The following AGBL1 variants were observed in gnomAD, a reference collection of about 807,000 sequenced individuals.
The protein encoded by AGBL1 is cytosolic carboxypeptidase 4.
Under a neutral mutation model 118.9 loss-of-function variants are expected in AGBL1, and 130 were observed. The observed-to-expected ratio is 1.09, with a 90% confidence interval of 0.95 to 1.26. The LOEUF is 1.26. Among genes scored for constraint, AGBL1 ranks in the 50% most tolerant of loss-of-function variants. The pLI is 0.00. For missense variants in AGBL1, 1,584 were observed against 1,298.1 expected, an observed-to-expected ratio of 1.22 and a Z score of -3.38; for synonymous variants, 555 against 478.9, an observed-to-expected ratio of 1.16 and a Z score of -2.08.
At chr15:86,739,878 G>T (rs2141232838) in intron 22 of AGBL1, among the ~76,000 whole-genome samples, 1 of 152,274 alleles carries the variant, frequency 6.6e-6, no homozygotes, top group African/African-American at 2.4e-5. Context: ...CTCCAGAAGG[G>T]TGGCCTAATG....
chr15:86,765,922 C>T (rs1187781771), intron 22 of AGBL1, among the ~76,000 whole-genome samples: 1 of 151,882 alleles, frequency 6.6e-6, no homozygotes, highest in East Asian at 1.9e-4. Context: ...GAGAGCTGAG[C>T]CTAGTTTAGT....
intron 16 of AGBL1, among the ~76,000 whole-genome samples, chr15:86,294,429 A>C (rs1272173145): frequency 4.3e-5 from 6 of 140,612 alleles, no homozygotes; most frequent in Non-Finnish European, 7.7e-5. Flanking sequence ...AAAAAAAAGG[A>C]TTGTTCACCA....
rs192367386 is a variant in AGBL1, at chr15:86,426,968, G to C, written c.2555+29422G>C. ...TTTAGTAGAGTCAGGGTTTTGCCCT[G>C]TTGACCAGGCTGGTCTTGAACTCCT... On this transcript the variant is annotated intron_variant, in intron 18 of 22. Transcript: ENST00000614907. Among the ~76,000 whole-genome samples, 18 of 152,240 alleles carry C rather than the reference G, an allele frequency of 1.2e-4. No homozygotes were observed. In the East Asian group the frequency reaches 3.1e-3, roughly 26 times the overall value.
rs73451556 is a variant in AGBL1 at position 86,288,453 on chromosome 15, A to C, written c.2221-6802A>C. ...TTAATATTGATTTTTGTAACCTATG[A>C]ATTTTTTTCCAGTAAGCTTCTTTTA... On this transcript the variant is annotated intron_variant, in intron 16 of 22. Coordinates refer to ENST00000614907, the MANE Select transcript of AGBL1 (RefSeq NM_001386094.1). Among the ~76,000 whole-genome samples, 482 of 152,134 alleles carry C rather than the reference A, an allele frequency of 3.2e-3. 1 individual carries two copies. The highest frequency in any genetic ancestry group is 0.011 in the African/African-American group (464 of 41,538).
intron 22 of AGBL1, among the ~76,000 whole-genome samples, chr15:86,754,893 T>G (rs888368448): frequency 6.6e-6 from 1 of 152,108 alleles, no homozygotes; most frequent in Admixed American, 6.6e-5. Context: ...TCCTCTCCCC[T>G]TATCCCTTCT....
intron 19 of AGBL1, among the ~76,000 whole-genome samples, chr15:86,534,157 C>T (rs187391672): frequency 6.9e-4 from 99 of 144,474 alleles, no homozygotes; most frequent in Non-Finnish European, 1.4e-3. Flanking sequence ...CTTTGAGGAA[C>T]CCAGATTTTA....
At chr15:86,166,054 G>A (rs1242465951) in intron 5 of AGBL1, among the ~76,000 whole-genome samples, 1 of 152,134 alleles carries the variant, frequency 6.6e-6, no homozygotes, top group Non-Finnish European at 1.5e-5. Context: ...AAGTTCGAAG[G>A]TCTTAAGGGA....
At chr15:86,144,875 G>A (rs183986095) in intron 3 of AGBL1, among the ~76,000 whole-genome samples, 13 of 152,252 alleles carry the variant, frequency 8.5e-5, no homozygotes, top group Admixed American at 4.6e-4. Flanking sequence ...GCTGCCATAC[G>A]AATTGCCACA....
intron 6 of AGBL1, among the ~76,000 whole-genome samples, chr15:86,234,092 A>G (rs1311431508): frequency 1.3e-5 from 2 of 152,120 alleles, no homozygotes; most frequent in African/African-American, 4.8e-5. Context: ...AGATCCTGTC[A>G]AGACTTAGTT....
Position 86,915,090 on chromosome 15 carries a change from G to A in AGBL1, c.*7796G>A, listed in dbSNP as rs1277837792. 7 of 152,152 alleles carry A rather than the reference G, an allele frequency of 4.6e-5. No homozygotes were observed. The highest frequency in any genetic ancestry group is 1.4e-4 in the African/African-American group (6 of 41,444). 9.4% of individuals were successfully genotyped at this position (152,152 alleles called of 1,614,324 possible). ...GTACTCAGATCTTCACTAAATAGAT[G>A]AATCTGCAATGTTGTTGAGTGTGAA... On this transcript the variant is annotated 3_prime_UTR_variant, in exon 23 of 23. Coordinates refer to ENST00000614907, the MANE Select transcript of AGBL1 (RefSeq NM_001386094.1).
chr15:86,223,234 A>G (rs1033364262), intron 5 of AGBL1, among the ~76,000 whole-genome samples: 2 of 152,130 alleles, frequency 1.3e-5, no homozygotes, highest in Non-Finnish European at 2.9e-5. Flanking sequence ...ACTTCCTAAA[A>G]CAAAAGTGCA....
chr15:86,222,772 G>A (rs1436430693), intron 5 of AGBL1, among the ~76,000 whole-genome samples: 1 of 152,102 alleles, frequency 6.6e-6, no homozygotes, highest in African/African-American at 2.4e-5. Flanking sequence ...TAATGTCACT[G>A]TTTGGATTAA....
intron 1 of AGBL1, among the ~76,000 whole-genome samples, chr15:86,113,291 T>C (rs550494466): frequency 5.1e-4 from 54 of 106,142 alleles, no homozygotes; most frequent in Non-Finnish European, 9.1e-4. Flanking sequence ...TTCTTTCTTT[T>C]TTTTTTTTTT....
intron 22 of AGBL1, among the ~76,000 whole-genome samples, chr15:86,702,581 A>G (rs2086379070): frequency 6.6e-6 from 1 of 152,174 alleles, no homozygotes; most frequent in Non-Finnish European, 1.5e-5. Context: ...AACTACTTTC[A>G]ACAGGGACAC....
At chr15:86,087,275 C>T (rs564342430) in intron 1 of AGBL1, among the ~76,000 whole-genome samples, 2 of 151,010 alleles carry the variant, frequency 1.3e-5, no homozygotes, top group South Asian at 4.2e-4. Context: ...TCTGAAACAG[C>T]TTCTGCAAGT....
At chr15:86,920,338 C>T (rs1433036534), downstream of AGBL1, among the ~76,000 whole-genome samples, 1 of 152,214 alleles carries the variant, frequency 6.6e-6, no homozygotes, top group Non-Finnish European at 1.5e-5. Context: ...ACCACCACCC[C>T]TCCCTGATGC....
chr15:86,901,754 G>A (rs1000638533), intron 22 of AGBL1, among the ~76,000 whole-genome samples: 1 of 151,588 alleles, frequency 6.6e-6, no homozygotes, highest in African/African-American at 2.4e-5. Context: ...ATGCATTTAG[G>A]TGTCACTTTA....
At chr15:86,364,857 G>T (rs1422633803) in intron 17 of AGBL1, among the ~76,000 whole-genome samples, 1 of 150,616 alleles carries the variant, frequency 6.6e-6, no homozygotes, top group Non-Finnish European at 1.5e-5. Context: ...ATCAGAACTT[G>T]TCCTAATTCC....
At chr15:86,345,459 T>C (rs970612244) in intron 17 of AGBL1, among the ~76,000 whole-genome samples, 8 of 152,182 alleles carry the variant, frequency 5.3e-5, no homozygotes. Flanking sequence ...CGTATGAACA[T>C]AGACATTAAA....
Sources: gnomAD v4.1 joint callset for allele counts (sites outside exome capture counted in the v4.1 genomes callset) on GRCh38, gnomAD v4.1.1 for gene constraint, MANE v1.5 for transcripts, NCBI Gene and HGNC (gene_info 2026-07-23, HGNC 2026-07-21) for gene names.